The following TCF12 variants were observed in gnomAD, a reference collection of about 807,000 sequenced individuals.
TCF12 encodes the protein DNA-binding protein HTF4.
Under a neutral mutation model 86.0 loss-of-function variants are expected in TCF12, and 45 were observed. The observed-to-expected ratio is 0.52, with a 90% CI of 0.41 to 0.67. TCF12 has a LOEUF of 0.67. Ranked by LOEUF, TCF12 falls within the 30% of genes least tolerant of loss-of-function variation. The pLI, the probability that TCF12 is intolerant of heterozygous loss-of-function variation, is 0.00. For synonymous variants in TCF12, 330 were observed against 299.6 expected (o/e 1.10, Z -1.05); for missense variants, 881 against 859.9 (o/e 1.02, Z -0.31).
At chr15:57,290,853 G>T (rs150657353), downstream of TCF12, 1 of 152,310 alleles carries the variant, frequency 6.6e-6, no homozygotes, top group African/African-American at 2.4e-5. Flanking sequence ...GAGACCTCAG[G>T]TGCACCTCAT....
intron 3 of TCF12, among the ~76,000 whole-genome samples, chr15:57,060,621 C>T (rs181940710): frequency 1.4e-4 from 21 of 152,158 alleles, no homozygotes; most frequent in East Asian, 7.7e-4. Context: ...TTGTTGAATT[C>T]GCATGCATAT....
intron 8 of TCF12, among the ~76,000 whole-genome samples, chr15:57,204,928 A>C (rs1439815339): frequency 6.6e-6 from 1 of 152,306 alleles, no homozygotes; most frequent in African/African-American, 2.4e-5. Flanking sequence ...ATCCATGAAA[A>C]TAGTAAGATG....
chr15:56,996,682 C>G (rs1188994727), intron 3 of TCF12, among the ~76,000 whole-genome samples: 1 of 150,854 alleles, frequency 6.6e-6, no homozygotes, highest in Non-Finnish European at 1.5e-5. Context: ...GAGAAACTAT[C>G]AAGGGAGTAA....
At chr15:57,090,396 T>C (rs1483632548) in intron 4 of TCF12, among the ~76,000 whole-genome samples, 2 of 152,238 alleles carry the variant, frequency 1.3e-5, no homozygotes, top group Non-Finnish European at 2.9e-5. Context: ...CAGATTCTTC[T>C]TGAATATCTA....
intron 3 of TCF12, among the ~76,000 whole-genome samples, chr15:56,991,246 A>T (rs1230924547): frequency 1.3e-5 from 2 of 152,198 alleles, no homozygotes; most frequent in African/African-American, 4.8e-5. Context: ...ATTTGCACTG[A>T]TTTATGCATC....
chr15:57,085,532 A>G (rs2048565186), intron 4 of TCF12, among the ~76,000 whole-genome samples: 1 of 152,174 alleles, frequency 6.6e-6, no homozygotes, highest in Non-Finnish European at 1.5e-5. Flanking sequence ...CTCTCACATA[A>G]CAGACTGTTG....
At chr15:57,107,739 T>C (rs1351485642) in intron 5 of TCF12, among the ~76,000 whole-genome samples, 1 of 151,708 alleles carries the variant, frequency 6.6e-6, no homozygotes, top group Non-Finnish European at 1.5e-5. Flanking sequence ...TTAATAATAA[T>C]AATAATAAAA....
At chr15:57,170,359 A>T (rs2055222532) in intron 6 of TCF12, among the ~76,000 whole-genome samples, 2 of 150,712 alleles carry the variant, frequency 1.3e-5, no homozygotes, top group Non-Finnish European at 3.0e-5. Flanking sequence ...GGCTCAAGGG[A>T]TGTAAGGTTT....
At chr15:57,261,655 CTGTT>C (rs2060589528) in intron 16 of TCF12, among the ~76,000 whole-genome samples, 1 of 152,080 alleles carries the variant, frequency 6.6e-6, no homozygotes, top group Admixed American at 6.5e-5. Flanking sequence ...CAATAGCTGA[CTGTT>C]TGATGGTGTT....
chr15:57,241,280 C>T (rs1159414505), intron 12 of TCF12, among the ~76,000 whole-genome samples: 2 of 151,834 alleles, frequency 1.3e-5, no homozygotes, highest in Admixed American at 1.3e-4. Flanking sequence ...CTAGTAGAGA[C>T]GGGGTTTCAG....
intron 4 of TCF12, among the ~76,000 whole-genome samples, chr15:57,075,806 CTCTCTCTCTCTCTCTCTCTCTCTCTCTCT>C (rs202067164): frequency 6.4e-3 from 435 of 67,820 alleles, no homozygotes; most frequent in East Asian, 9.0e-3. Flanking sequence ...TTCTTTCTTT[CTCTCTCTCTCTCTCTCTCTCTCTCTCTCT>C]TTTCTTTCTT....
At chr15:57,280,107 C>A (rs188437483) in intron 19 of TCF12, among the ~76,000 whole-genome samples, 142 of 152,140 alleles carry the variant, frequency 9.3e-4, no homozygotes, top group Non-Finnish European at 1.6e-3. Flanking sequence ...GCAGGCTAGT[C>A]TCAAACTCTT....
chr15:57,103,163 A>G (rs933022789), intron 5 of TCF12, among the ~76,000 whole-genome samples: 2 of 152,236 alleles, frequency 1.3e-5, no homozygotes, highest in Non-Finnish European at 2.9e-5. Flanking sequence ...GTACTGCCCA[A>G]CATATGAGAA....
chr15:56,919,814 T>C (rs1188616822), intron 1 of TCF12, 78 bp from the exon 2 acceptor site: 2 of 1,318,796 alleles, frequency 1.5e-6, no homozygotes, highest in African/African-American at 1.5e-5. Flanking sequence ...TGCGTAATCT[T>C]CCCCAGTACC....
intron 13 of TCF12, 114 bp from the exon 14 acceptor site, chr15:57,251,236 C>A: frequency 2.3e-6 from 2 of 873,244 alleles, no homozygotes; most frequent in Non-Finnish European, 3.6e-6. Context: ...GAAGGCCAAA[C>A]AAAAATATTC....
intron 5 of TCF12, among the ~76,000 whole-genome samples, chr15:57,100,189 G>A (rs558760649): frequency 6.6e-6 from 1 of 152,138 alleles, no homozygotes; most frequent in African/African-American, 2.4e-5. Context: ...TCTGAGTTCT[G>A]CCTGTAGGGA....
At chr15:57,247,771 C>T (rs1434048858) in intron 13 of TCF12, 2 of 743,938 alleles carry the variant, frequency 2.7e-6, no homozygotes, top group African/African-American at 3.4e-5. Flanking sequence ...GTCTAGCACA[C>T]CTTGCTGCCT....
intron 5 of TCF12, among the ~76,000 whole-genome samples, chr15:57,137,161 A>G (rs977695893): frequency 1.3e-5 from 2 of 151,516 alleles, no homozygotes; most frequent in African/African-American, 4.8e-5. Context: ...TTGTATTTTT[A>G]GTAGAGACGC....
chr15:57,091,963 C>A, intron 5 of TCF12, 72 bp downstream of exon 5: 1 of 1,274,052 alleles, frequency 7.8e-7, no homozygotes, highest in Non-Finnish European at 1.1e-6. Flanking sequence ...ATCCCTTTGT[C>A]CAGGAGGGAC....
Sources: gnomAD v4.1 joint callset for allele counts (sites outside exome capture counted in the v4.1 genomes callset) on GRCh38, gnomAD v4.1.1 for gene constraint, MANE v1.5 for transcripts, NCBI Gene and HGNC (gene_info 2026-07-23, HGNC 2026-07-21) for gene names.